Variants in KCNK2 observed in about 807,000 individuals in gnomAD.
KCNK2 encodes potassium two pore domain channel subfamily K member 2, also known as potassium channel subfamily K member 2.
Under a neutral mutation model 40.5 loss-of-function variants are expected in KCNK2, and 21 were observed. That is an observed-to-expected ratio of 0.52 (90% CI 0.37 to 0.75). The LOEUF is 0.75. Among genes scored for constraint, KCNK2 ranks in the 30% least tolerant of loss-of-function variants. The probability of loss-of-function intolerance (pLI) is 0.00; values close to 1 mark genes in which losing one functional copy is unlikely to be tolerated. For synonymous variants in KCNK2, 191 were observed against 202.2 expected, an observed-to-expected ratio of 0.94 and a Z score of 0.47; for missense variants, 399 against 531.6, an observed-to-expected ratio of 0.75 and a Z score of 2.45.
chr1:215,116,351 C>T (rs368118237), intron 2 of KCNK2, among the ~76,000 whole-genome samples: 1 of 151,556 alleles, frequency 6.6e-6, no homozygotes, highest in Non-Finnish European at 1.5e-5. Flanking sequence ...TATTATTTTT[C>T]CAAATGTCCA....
In KCNK2 at chr1:215,173,190, A is replaced by G. The variant is rs559058921; in HGVS notation, c.823+1007A>G. Among the ~76,000 whole-genome samples the G allele has an allele frequency of 2.2e-4, 33 of 152,060 alleles. No homozygotes were observed. In the South Asian group the frequency reaches 5.8e-3, roughly 27 times the overall value. ...TGTGTCCAGGTTTTCTCATTGTTCA[A>G]TTCCTACCTATGAGTGAGAACAGGC... On this transcript the variant is annotated intron_variant, in intron 5 of 6. Coordinates refer to ENST00000444842, the MANE Select transcript of KCNK2 (RefSeq NM_001017425.3).
chr1:215,155,304 T>A (rs1414441674), intron 3 of KCNK2, among the ~76,000 whole-genome samples: 1 of 152,144 alleles, frequency 6.6e-6, no homozygotes, highest in Non-Finnish European at 1.5e-5. Context: ...CTTCATAACT[T>A]AATTTTTAAA....
upstream of KCNK2, among the ~76,000 whole-genome samples, chr1:215,079,562 A>G (rs774183036): frequency 3.9e-5 from 6 of 152,214 alleles, no homozygotes; most frequent in Admixed American, 6.5e-5. Flanking sequence ...TCATTATCAG[A>G]ACAGCAAGGG....
intron 3 of KCNK2, among the ~76,000 whole-genome samples, chr1:215,156,081 G>GTGTA (rs1553268421): frequency 1.6e-4 from 24 of 150,832 alleles, no homozygotes; most frequent in Middle Eastern, 3.2e-3. Flanking sequence ...GTGTGTGTGT[G>GTGTA]TATATATATA....
rs992292026 is a variant in KCNK2 at position 215,237,036 on chromosome 1, G to A, written c.*1891G>A. 12 of 152,504 alleles carry A rather than the reference G, an allele frequency of 7.9e-5. No homozygotes were observed. Among genetic ancestry groups the A allele is most frequent in the Non-Finnish European group, 1.3e-4 (9 of 68,008 alleles). 9.4% of individuals were successfully genotyped at this position (152,504 alleles called of 1,614,324 possible). On this transcript the variant is annotated 3_prime_UTR_variant, in exon 7 of 7. Transcript: ENST00000444842. ...GTTCCGAAAATTTATATGGTGGAAT[G>A]CGCCATGTATAAACTGTGAATTGTA... is the stretch of plus-strand genomic sequence containing the variant.
At chr1:215,093,764 A>T (rs1478210453) in intron 2 of KCNK2, among the ~76,000 whole-genome samples, 2 of 36,894 alleles carry the variant, frequency 5.4e-5, no homozygotes, top group African/African-American at 2.2e-4. Context: ...TATATTATAT[A>T]ATATAAAATA....
chr1:215,111,362 A>G (rs567454983), intron 2 of KCNK2, among the ~76,000 whole-genome samples: 1 of 152,240 alleles, frequency 6.6e-6, no homozygotes, highest in African/African-American at 2.4e-5. Context: ...GTAGGGTGTT[A>G]TATATGACTA....
At chr1:215,053,642 T>C (rs544498575) in intron 1 of KCNK2, among the ~76,000 whole-genome samples, 9 of 152,346 alleles carry the variant, frequency 5.9e-5, no homozygotes, top group African/African-American at 1.9e-4. Flanking sequence ...AATAAATGAA[T>C]GCTTCCTCTC....
chr1:215,209,476 T>TTATATATAATATAAATTA (rs370130203), intron 6 of KCNK2, among the ~76,000 whole-genome samples: 1 of 43,194 alleles, frequency 2.3e-5, no homozygotes, highest in Non-Finnish European at 4.2e-5. Flanking sequence ...ATAATATATA[T>TTATATATAATATAAATTA]TATATATAAT....
intron 2 of KCNK2, among the ~76,000 whole-genome samples, chr1:215,097,218 A>G (rs1415575895): frequency 6.6e-6 from 1 of 152,004 alleles, no homozygotes; most frequent in East Asian, 1.9e-4. Flanking sequence ...GGTAAAAATA[A>G]TGCTTTGGAA....
chr1:215,143,473 G>A (rs1662276747), intron 3 of KCNK2, among the ~76,000 whole-genome samples: 1 of 152,278 alleles, frequency 6.6e-6, no homozygotes, highest in Non-Finnish European at 1.5e-5. Flanking sequence ...ACAGTATTTA[G>A]CATGTGGTAT....
chr1:215,226,981 G>C (rs1274590284), intron 6 of KCNK2, among the ~76,000 whole-genome samples: 1 of 152,176 alleles, frequency 6.6e-6, no homozygotes, highest in Non-Finnish European at 1.5e-5. Flanking sequence ...CCTGCTGAGA[G>C]GATCAAGATT....
Position 215,033,379 on chromosome 1 carries a change from T to C in KCNK2, c.34+27424T>C, listed in dbSNP as rs142658516. 1.3e-4 allele frequency among the ~76,000 whole-genome samples: 20 copies of C among 152,240 alleles called. No individual in the cohort carries two copies. In the South Asian group the frequency reaches 1.9e-3, roughly 14 times the overall value. On this transcript the variant is annotated intron_variant, in intron 1 of 6. Transcript: ENST00000391895. ...CATACTTGAGTTTGGTTCTGATACTTACTCTGTCTCTTTTAACTGTGTTTA... is the reference window on the plus strand; with the variant it reads ...CATACTTGAGTTTGGTTCTGATACTCACTCTGTCTCTTTTAACTGTGTTTA...
chr1:215,223,864 G>A (rs1021738142), intron 6 of KCNK2, among the ~76,000 whole-genome samples: 1 of 152,006 alleles, frequency 6.6e-6, no homozygotes, highest in Non-Finnish European at 1.5e-5. Context: ...CAGGTAGTTG[G>A]GCAAAGTATG....
chr1:215,013,170 G>T (rs1246371323), intron 1 of KCNK2, among the ~76,000 whole-genome samples: 1 of 152,100 alleles, frequency 6.6e-6, no homozygotes, highest in Non-Finnish European at 1.5e-5. Context: ...AAGATATGAG[G>T]TGTGGGTCAA....
At chr1:215,091,044 T>A (rs947944629) in intron 2 of KCNK2, among the ~76,000 whole-genome samples, 7 of 152,206 alleles carry the variant, frequency 4.6e-5, no homozygotes, top group African/African-American at 1.7e-4. Context: ...AGGAGATAGC[T>A]ATTAACATAG....
chr1:215,182,315 C>T (rs1222867101), intron 5 of KCNK2, among the ~76,000 whole-genome samples: 1 of 152,060 alleles, frequency 6.6e-6, no homozygotes, highest in Non-Finnish European at 1.5e-5. Context: ...TGGAGCTCTG[C>T]CTAGGGTTGG....
chr1:215,108,477 G>A (rs916043467), intron 2 of KCNK2, among the ~76,000 whole-genome samples: 4 of 152,130 alleles, frequency 2.6e-5, no homozygotes, highest in South Asian at 4.1e-4. Flanking sequence ...TTTTCATTCT[G>A]CCGATTGTTC....
chr1:215,112,658 G>A (rs1208515502), intron 2 of KCNK2, among the ~76,000 whole-genome samples: 1 of 152,092 alleles, frequency 6.6e-6, no homozygotes, highest in Non-Finnish European at 1.5e-5. Context: ...ATTCATGTAA[G>A]TGTACCATTT....
Sources: gnomAD v4.1 joint callset for allele counts (sites outside exome capture counted in the v4.1 genomes callset) on GRCh38, gnomAD v4.1.1 for gene constraint, MANE v1.5 for transcripts, NCBI Gene and HGNC (gene_info 2026-07-23, HGNC 2026-07-21) for gene names.